PEBP1: variants seen among roughly 807,000 people sequenced by gnomAD.
PEBP1 encodes phosphatidylethanolamine-binding protein 1.
A neutral mutation model predicts 22.7 loss-of-function variants in PEBP1; 17 were observed. The observed-to-expected ratio is 0.75, with a 90% confidence interval of 0.51 to 1.12. The LOEUF (loss-of-function observed/expected upper bound fraction) is 1.12. Ranked by LOEUF, PEBP1 falls within the 50% of genes most tolerant of loss-of-function variation. The pLI, the probability that PEBP1 is intolerant of heterozygous loss-of-function variation, is 0.00. For synonymous variants in PEBP1, 106 were observed against 104.3 expected, an observed-to-expected ratio of 1.02 and a Z score of -0.10; for missense variants, 205 against 243.5, an observed-to-expected ratio of 0.84 and a Z score of 1.05.
Position 118,144,686 on chromosome 12 carries a change from C to T in PEBP1, c.447C>T (p.Phe149=), listed in dbSNP as rs2138090704. ...GATCTGGAGACCACCGTGGCAAATT[C>T]AAGGTGGCGTCCTTCCGTAAAAAGT... ...SNRSGDHRGK[F]KVASFRKKYE... The change falls in exon 4 of 4, where the codon TTC becomes TTT. Residue 149 remains phenylalanine, a synonymous_variant. Transcript: ENST00000261313. 1.2e-6 allele frequency: 2 copies of T among 1,614,124 alleles called. No homozygotes were observed. The highest frequency in any genetic ancestry group is 2.2e-5 in the East Asian group (1 of 44,872).
At chr12:118,141,273 C>T (rs915802495) in intron 3 of PEBP1, among the ~76,000 whole-genome samples, 7 of 152,096 alleles carry the variant, frequency 4.6e-5, no homozygotes, top group African/African-American at 9.7e-5. Flanking sequence ...CCCACCACCA[C>T]GCCCAGCTAA....
At chr12:118,138,198 C>T (rs1403483049) in intron 2 of PEBP1, 50 bp downstream of exon 2, 9 of 1,229,172 alleles carry the variant, frequency 7.3e-6, no homozygotes, top group African/African-American at 4.4e-5. Context: ...GATGAGTTAT[C>T]GGGTGTAAGT....
At chr12:118,139,036 C>G (rs1285303139) in intron 2 of PEBP1, 1 of 200,538 alleles carries the variant, frequency 5.0e-6, no homozygotes, top group Non-Finnish European at 1.0e-5. Context: ...AGGACTGGGC[C>G]GGGCGCGGTG....
intron 3 of PEBP1, among the ~76,000 whole-genome samples, chr12:118,142,053 C>A (rs1425679983): frequency 6.6e-6 from 1 of 151,966 alleles, no homozygotes; most frequent in Non-Finnish European, 1.5e-5. Context: ...CCAGGATGAA[C>A]CCTGAGGAAC....
chr12:118,139,470 G>A lies in PEBP1; in HGVS notation c.265G>A (p.Val89Met). Reference sequence around the variant, plus strand: ...ATGCAGAGAATGGCATCATTTCCTGGTGGTCAACATGAAGGGCAATGACAT... The same window carrying A: ...ATGCAGAGAATGGCATCATTTCCTGATGGTCAACATGAAGGGCAATGACAT... ...PKYREWHHFLVVNMKGNDISS... is the reference protein window; with the variant it reads ...PKYREWHHFLMVNMKGNDISS... Residue 89 changes from valine to methionine, a missense_variant, in exon 3 of 4, where the codon GTG becomes ATG. Val to Met is a conservative substitution (Grantham distance 21, BLOSUM62 1). Coordinates refer to ENST00000261313, the MANE Select transcript of PEBP1 (RefSeq NM_002567.4). 6.2e-7 allele frequency: 1 copy of A among 1,612,406 alleles called. No homozygotes were observed. Among genetic ancestry groups the A allele is most frequent in the Non-Finnish European group, 8.5e-7 (1 of 1,179,524 alleles).
intron 3 of PEBP1, among the ~76,000 whole-genome samples, chr12:118,139,996 A>T (rs544173148): frequency 6.6e-6 from 1 of 152,332 alleles, no homozygotes; most frequent in South Asian, 2.1e-4. Flanking sequence ...TTTCTGAAAA[A>T]GTCTAGCTGG....
rs1277113300 is a variant in PEBP1 at position 118,136,790 on chromosome 12, C to T, written c.135+446C>T. ...TGAAGCCTCACCCGAGAGCCTGTGACGCATTATGTAACTGGCGATGAGCGC... is the reference window on the plus strand; with the variant it reads ...TGAAGCCTCACCCGAGAGCCTGTGATGCATTATGTAACTGGCGATGAGCGC... On this transcript the variant is annotated intron_variant, in intron 1 of 3. Coordinates refer to ENST00000261313, the MANE Select transcript of PEBP1 (RefSeq NM_002567.4). The surrounding 1 kb of genome is among the most constrained non-coding windows in gnomAD (Gnocchi z 5.6). Among the ~76,000 whole-genome samples the T allele has an allele frequency of 6.6e-6, 1 of 152,154 alleles. No individual in the cohort carries two copies. Among genetic ancestry groups the T allele is most frequent in the Non-Finnish European group, 1.5e-5 (1 of 68,026 alleles).
At position 118,136,136 on chromosome 12, in the gene PEBP1, TCTCCGCGTCGCCTCTGTCGC is replaced by T. The variant is rs2034053618; in HGVS notation, c.-72_-53del. 2 of 1,518,424 alleles carry T rather than the reference TCTCCGCGTCGCCTCTGTCGC, an allele frequency of 1.3e-6. No individual in the cohort carries two copies. The highest frequency in any genetic ancestry group is 1.8e-6 in the Non-Finnish European group (2 of 1,134,010). 94.1% of individuals were successfully genotyped at this position (1,518,424 alleles called of 1,614,324 possible). A position where few individuals can be genotyped will look rare whatever the true frequency, so the allele number is the denominator to read the frequency against. On this transcript the variant is annotated 5_prime_UTR_variant, in exon 1 of 4. Transcript: ENST00000261313. This position sits in a 1 kb window ranked among gnomAD's most constrained non-coding sequence, Gnocchi z 5.6. ...GTCTTCCCGAGCCAGTGTGCTGAGC[TCTCCGCGTCGCCTCTGTCGC>T]CCGCGCCTGGCCTACCGCGGCACTC...
At chr12:118,138,273 G>C (rs1252785411) in intron 2 of PEBP1, 125 bp downstream of exon 2, 1 of 687,608 alleles carries the variant, frequency 1.5e-6, no homozygotes, top group East Asian at 2.7e-5. Context: ...AAGCCAGAGA[G>C]TGCCTTTCCT....
At chr12:118,139,852 G>T (rs1057059119) in intron 3 of PEBP1, among the ~76,000 whole-genome samples, 2 of 152,126 alleles carry the variant, frequency 1.3e-5, no homozygotes, top group Non-Finnish European at 2.9e-5. Context: ...ATGGCCTTTT[G>T]GGGCTGCAGT....
chr12:118,142,658 G>C (rs1278618653), intron 3 of PEBP1, among the ~76,000 whole-genome samples: 1 of 151,708 alleles, frequency 6.6e-6, no homozygotes, highest in Non-Finnish European at 1.5e-5. Flanking sequence ...TATATTTTTA[G>C]TAGAGACGGG....
chr12:118,142,361 T>G (rs770484272), intron 3 of PEBP1, among the ~76,000 whole-genome samples: 1 of 151,540 alleles, frequency 6.6e-6, no homozygotes, highest in African/African-American at 2.4e-5. Context: ...CCGGCTAATT[T>G]TTTTTACTTT....
chr12:118,140,380 T>A (rs1292367478), intron 3 of PEBP1, among the ~76,000 whole-genome samples: 1 of 152,114 alleles, frequency 6.6e-6, no homozygotes, highest in African/African-American at 2.4e-5. Flanking sequence ...CCCGGAAGCT[T>A]CAGATGCCTT....
chr12:118,143,394 A>C (rs1259907816), intron 3 of PEBP1, among the ~76,000 whole-genome samples: 1 of 152,172 alleles, frequency 6.6e-6, no homozygotes, highest in African/African-American at 2.4e-5. Flanking sequence ...CATGTGTCTG[A>C]ATTTCTTTTT....
rs559114683 is a variant in PEBP1 at position 118,144,292 on chromosome 12, A to G, written c.347-294A>G. Among the ~76,000 whole-genome samples the G allele has an allele frequency of 3.3e-5, 5 of 152,290 alleles. No individual in the cohort carries two copies. The East Asian group carries it at 7.7e-4, about 24-fold the overall frequency. ...GCGAGGATAAGGGGGTGCAGAGGCC[A>G]GATCCCACAGGCCAGGAGAGGCTGG... On this transcript the variant is annotated intron_variant, in intron 3 of 3. Coordinates refer to ENST00000261313, the MANE Select transcript of PEBP1 (RefSeq NM_002567.4).
In PEBP1 at chr12:118,139,516, C is replaced by A; in HGVS notation, c.311C>A (p.Ser104Tyr). 6.2e-7 allele frequency: 1 copy of A among 1,613,496 alleles called. No homozygotes were observed. Among genetic ancestry groups the A allele is most frequent in the Non-Finnish European group, 8.5e-7 (1 of 1,179,692 alleles). Residue 104 changes from serine (S) to tyrosine (Y), a missense_variant, in exon 3 of 4, where the codon TCC becomes TAC. Ser to Tyr is a moderately radical substitution (Grantham distance 144). Coordinates refer to ENST00000261313, the MANE Select transcript of PEBP1 (RefSeq NM_002567.4). ...GNDISSGTVL[S>Y]DYVGSGPPKG... ...GACATCAGCAGTGGCACAGTCCTCTCCGATTATGTGGGCTCGGGGCCTCCC... is the reference window on the plus strand; with the variant it reads ...GACATCAGCAGTGGCACAGTCCTCTACGATTATGTGGGCTCGGGGCCTCCC...
At position 118,144,739 on chromosome 12, in the gene PEBP1, C is replaced by T. The variant is rs547135406; in HGVS notation, c.500C>T (p.Thr167Met). Residue 167 changes from threonine (T) to methionine (M), a missense_variant, in exon 4 of 4, where the codon ACG (threonine) becomes ATG (methionine). By Grantham distance (81) the Thr-to-Met change is moderately conservative. Transcript: ENST00000261313. ...GAGCTCAGGGCCCCGGTGGCTGGCA[C>T]GTGTTACCAGGCCGAGTGGGATGAC... ...KYELRAPVAG[T>M]CYQAEWDDYV... is the part of the protein sequence containing the mutation. The T allele has an allele frequency of 1.6e-5, 26 of 1,613,982 alleles. No individual in the cohort carries two copies. The highest frequency in any genetic ancestry group is 8.3e-5 in the Admixed American group (5 of 59,986).
Position 118,138,021 on chromosome 12 carries a change from A to T in PEBP1, c.136-18A>T, listed in dbSNP as rs763974692. ...AGCATTTCTGACTTTTTTACTGCAA[A>T]CTGGTTCCTTCATACAGGTTAAGAA... On this transcript the variant is annotated intron_variant, in intron 1 of 3. Coordinates refer to ENST00000261313, the MANE Select transcript of PEBP1 (RefSeq NM_002567.4). 1.9e-6 allele frequency: 3 copies of T among 1,576,102 alleles called. No homozygotes were observed. Among genetic ancestry groups the T allele is most frequent in the Non-Finnish European group, 1.7e-6 (2 of 1,147,430 alleles).
intron 3 of PEBP1, among the ~76,000 whole-genome samples, chr12:118,140,549 T>C (rs1034468300): frequency 6.6e-6 from 1 of 152,144 alleles, no homozygotes; most frequent in African/African-American, 2.4e-5. Context: ...GTTCTCATTT[T>C]TTTTTTTTGA....
Sources: gnomAD v4.1 joint callset for allele counts (sites outside exome capture counted in the v4.1 genomes callset) on GRCh38, gnomAD v4.1.1 for gene constraint, Gnocchi (gnomAD v3.1) non-coding constraint, MANE v1.5 for transcripts, NCBI Gene and HGNC (gene_info 2026-07-23, HGNC 2026-07-21) for gene names.